NRG1: variants seen among roughly 807,000 people sequenced by gnomAD.
NRG1 encodes neuregulin 1, also known as pro-neuregulin-1, membrane-bound isoform.
Under a neutral mutation model 63.8 loss-of-function variants are expected in NRG1, and 18 were observed. The observed-to-expected ratio is 0.28, with a 90% CI of 0.19 to 0.42. The LOEUF (loss-of-function observed/expected upper bound fraction) is 0.42. Ranked by LOEUF, NRG1 falls within the 10% of genes least tolerant of loss-of-function variation. The probability of loss-of-function intolerance (pLI) is 1.00; values close to 1 mark genes in which losing one functional copy is unlikely to be tolerated. For missense variants in NRG1, 762 were observed against 814.7 expected (o/e 0.94, Z 0.79); for synonymous variants, 302 against 301.3 (o/e 1.00, Z -0.02).
At chr8:31,792,854 G>T (rs1180398001) in intron 1 of NRG1, among the ~76,000 whole-genome samples, 1 of 152,160 alleles carries the variant, frequency 6.6e-6, no homozygotes, top group Non-Finnish European at 1.5e-5. Context: ...TTGTCGCATT[G>T]CTTTCTGAGT....
At chr8:32,566,322 A>AC (rs1166435708) in intron 1 of NRG1, among the ~76,000 whole-genome samples, 1 of 127,952 alleles carries the variant, frequency 7.8e-6, no homozygotes, top group Non-Finnish European at 1.6e-5. Context: ...ACACCACTTC[A>AC]CTCCAGCCAC....
intron 1 of NRG1, among the ~76,000 whole-genome samples, chr8:32,261,363 G>T (rs1563244677): frequency 7.6e-6 from 1 of 132,208 alleles, no homozygotes; most frequent in African/African-American, 3.5e-5. Context: ...CTATTAGTGT[G>T]TGTGTGTGTG....
At chr8:32,143,724 C>G (rs1412441722) in intron 1 of NRG1, among the ~76,000 whole-genome samples, 1 of 152,256 alleles carries the variant, frequency 6.6e-6, no homozygotes, top group Non-Finnish European at 1.5e-5. Context: ...CCACCCAACA[C>G]TTCAGATACC....
At chr8:32,166,829 G>C (rs1190481102) in intron 1 of NRG1, among the ~76,000 whole-genome samples, 1 of 152,164 alleles carries the variant, frequency 6.6e-6, no homozygotes, top group Non-Finnish European at 1.5e-5. Flanking sequence ...GCCAGTTTCA[G>C]ACCCATTAAG....
intron 1 of NRG1, among the ~76,000 whole-genome samples, chr8:32,480,527 T>C (rs990270056): frequency 1.3e-5 from 2 of 151,822 alleles, no homozygotes; most frequent in African/African-American, 4.8e-5. Flanking sequence ...GTGATGGAGA[T>C]GTTAATTAGC....
intron 1 of NRG1, among the ~76,000 whole-genome samples, chr8:32,332,145 A>T (rs887366966): frequency 6.6e-6 from 1 of 151,962 alleles, no homozygotes; most frequent in African/African-American, 2.4e-5. Flanking sequence ...AAAAAATATA[A>T]AAAAAAGAAG....
chr8:31,940,079 C>A (rs964119691), intron 1 of NRG1, among the ~76,000 whole-genome samples: 2 of 151,986 alleles, frequency 1.3e-5, no homozygotes, highest in Non-Finnish European at 2.9e-5. Flanking sequence ...AACATTCTAC[C>A]CAACAACTGC....
downstream of NRG1, among the ~76,000 whole-genome samples, chr8:32,772,082 TATATATAA>T (rs1477467147): frequency 7.8e-6 from 1 of 127,658 alleles, no homozygotes; most frequent in African/African-American, 3.0e-5. Flanking sequence ...TATATATATA[TATATATAA>T]AATCCCACCA....
intron 1 of NRG1, among the ~76,000 whole-genome samples, chr8:32,249,918 A>G (rs995677353): frequency 6.6e-6 from 1 of 152,088 alleles, no homozygotes. Flanking sequence ...CTGGGGTTCT[A>G]TAGGGGCAAG....
intron 1 of NRG1, among the ~76,000 whole-genome samples, chr8:32,482,349 C>A (rs192251345): frequency 6.9e-4 from 104 of 151,636 alleles, no homozygotes; most frequent in Admixed American, 6.2e-3. Flanking sequence ...TTGACATTAC[C>A]CTTATGGAAC....
chr8:32,030,763 C>T (rs549480398), intron 1 of NRG1, among the ~76,000 whole-genome samples: 1 of 152,266 alleles, frequency 6.6e-6, no homozygotes, highest in African/African-American at 2.4e-5. Context: ...GTCTGCCATG[C>T]TTTAGCATCA....
intron 1 of NRG1, among the ~76,000 whole-genome samples, chr8:32,411,814 G>T (rs1347406914): frequency 6.6e-6 from 1 of 152,188 alleles, no homozygotes. Context: ...CCTGAAACGT[G>T]TACATATTCT....
chr8:32,502,758 C>T (rs1459342815), intron 1 of NRG1, among the ~76,000 whole-genome samples: 1 of 151,920 alleles, frequency 6.6e-6, no homozygotes, highest in Non-Finnish European at 1.5e-5. Flanking sequence ...AGTTCATTTA[C>T]ACATATTTAT....
At chr8:32,568,219 A>G (rs1433600977) in intron 1 of NRG1, among the ~76,000 whole-genome samples, 2 of 152,192 alleles carry the variant, frequency 1.3e-5, no homozygotes, top group Non-Finnish European at 1.5e-5. Context: ...CATGTCTAAA[A>G]TACACCATAA....
intron 1 of NRG1, among the ~76,000 whole-genome samples, chr8:31,822,330 T>C (rs1824083916): frequency 6.6e-6 from 1 of 152,196 alleles, no homozygotes. Context: ...CATTTTTTTT[T>C]CTATAACCAA....
intron 5 of NRG1, among the ~76,000 whole-genome samples, chr8:32,712,348 T>C (rs1390660389): frequency 6.6e-6 from 1 of 152,218 alleles, no homozygotes; most frequent in Non-Finnish European, 1.5e-5. Context: ...TAGCCTTACA[T>C]GTAATGGTCA....
intron 1 of NRG1, among the ~76,000 whole-genome samples, chr8:32,111,401 G>C (rs183561082): frequency 6.6e-6 from 1 of 152,142 alleles, no homozygotes; most frequent in Admixed American, 6.5e-5. Flanking sequence ...ACAGGCATGA[G>C]CCACTGCTCC....
chr8:31,639,661 G>T (rs754187045), intron 1 of NRG1: 120 of 1,395,542 alleles, frequency 8.6e-5, no homozygotes, highest in Non-Finnish European at 1.1e-4. Flanking sequence ...AGCAGGGCTC[G>T]GGCGCGGCGG....
chr8:32,481,585 C>A (rs1342829796), intron 1 of NRG1, among the ~76,000 whole-genome samples: 2 of 152,216 alleles, frequency 1.3e-5, no homozygotes. Flanking sequence ...AATGGTCAAA[C>A]TGCATGAGTT....
Sources: gnomAD v4.1 joint callset for allele counts (sites outside exome capture counted in the v4.1 genomes callset) on GRCh38, gnomAD v4.1.1 for gene constraint, MANE v1.5 for transcripts, NCBI Gene and HGNC (gene_info 2026-07-23, HGNC 2026-07-21) for gene names.